Variants in PPP2R5D observed in about 807,000 individuals in gnomAD.
PPP2R5D encodes protein phosphatase 2 regulatory subunit B'delta.
PPP2R5D carries 12 observed loss-of-function variants against 79.1 expected under a neutral mutation model. The observed-to-expected ratio is 0.15, with a 90% CI of 0.10 to 0.25. The LOEUF is 0.25. Ranked by LOEUF, PPP2R5D falls within the 10% of genes least tolerant of loss-of-function variation. PPP2R5D has a pLI of 1.00. For synonymous variants in PPP2R5D, 277 were observed against 286.6 expected (o/e 0.97, Z 0.34); for missense variants, 419 against 760.2 (o/e 0.55, Z 5.28).
At position 43,006,649 on chromosome 6, in the gene PPP2R5D, C is replaced by T. The variant is rs779909900; in HGVS notation, c.292C>T (p.Arg98Trp). Reference sequence around the variant, plus strand: ...CTCCCGCTTCAACCTCAGCAAGAATCGGGAGCTGCAGAAGCTTCCTGCCCT... The same window carrying T: ...CTCCCGCTTCAACCTCAGCAAGAATTGGGAGCTGCAGAAGCTTCCTGCCCT... ...SSSRFNLSKN[R>W]ELQKLPALKD... The change falls in exon 3 of 16, where the codon CGG (arginine) becomes TGG (tryptophan). Residue 98 changes from arginine (R) to tryptophan (W), a missense_variant. Arg to Trp is a moderately radical substitution (Grantham distance 101). This residue lies in a region of PPP2R5D where 110 missense variants were observed against 147.6 expected (regional missense o/e 0.75). Transcript: ENST00000485511. The surrounding 1 kb of genome is among the most constrained non-coding windows in gnomAD (Gnocchi z 4.7). The T allele has an allele frequency of 8.7e-6, 14 of 1,614,022 alleles. No homozygotes were observed. The highest frequency in any genetic ancestry group is 1.1e-5 in the Non-Finnish European group (13 of 1,180,034).
At chr6:43,005,647 G>C (rs148942962) in intron 2 of PPP2R5D, among the ~76,000 whole-genome samples, 2 of 150,224 alleles carry the variant, frequency 1.3e-5, no homozygotes, top group Admixed American at 6.6e-5. Context: ...TTGAGACAAA[G>C]TCTCGCTCTT....
rs1561850226 is a variant in PPP2R5D at position 43,007,370 on chromosome 6, GTCCTTGGGAACAT to G, written c.634-43_634-31del. 4 of 1,604,424 alleles carry G rather than the reference GTCCTTGGGAACAT, an allele frequency of 2.5e-6. No homozygotes were observed. The highest frequency in any genetic ancestry group is 2.2e-5 in the East Asian group (1 of 44,824). On this transcript the variant is annotated intron_variant, in intron 5 of 15. Coordinates refer to ENST00000485511, the MANE Select transcript of PPP2R5D (RefSeq NM_006245.4). The surrounding 1 kb of genome is among the most constrained non-coding windows in gnomAD (Gnocchi z 4.5). ...GAGTGGGGCACTTGGAGGCCTGCAA[GTCCTTGGGAACAT>G]CCCCTCAGTGGCGTGCCTTTTCCCC...
intron 1 of PPP2R5D, among the ~76,000 whole-genome samples, chr6:42,985,605 C>CTT (rs111692462): frequency 6.8e-6 from 1 of 147,398 alleles, no homozygotes. Context: ...TGCATTTTTC[C>CTT]TTTTTTTTTT....
intron 1 of PPP2R5D, among the ~76,000 whole-genome samples, 177 bp downstream of exon 1, chr6:42,984,881 A>G (rs1233752531): frequency 6.8e-6 from 1 of 146,698 alleles, no homozygotes; most frequent in Non-Finnish European, 1.5e-5. Context: ...TGCCGCAGCT[A>G]GGACAGCTCC....
At chr6:42,989,746 TGGCTA>T (rs1771122156) in intron 2 of PPP2R5D, 58 bp downstream of exon 2, 1 of 1,497,968 alleles carries the variant, frequency 6.7e-7, no homozygotes, top group South Asian at 1.2e-5. Flanking sequence ...AACTCCATGA[TGGCTA>T]GTTGGGTAGG....
chr6:42,995,189 GGTACAA>G (rs1479179723), intron 2 of PPP2R5D, among the ~76,000 whole-genome samples: 1 of 144,718 alleles, frequency 6.9e-6, no homozygotes, highest in East Asian at 2.0e-4. Context: ...GGAGTACAGT[GGTACAA>G]TCATGGCTCA....
intron 2 of PPP2R5D, among the ~76,000 whole-genome samples, chr6:43,000,386 C>T (rs1329689082): frequency 6.6e-6 from 1 of 151,670 alleles, no homozygotes; most frequent in Non-Finnish European, 1.5e-5. Flanking sequence ...TACAGGCGTG[C>T]ACCACCACAC....
intron 2 of PPP2R5D, among the ~76,000 whole-genome samples, chr6:42,990,992 G>A (rs981792562): frequency 3.3e-5 from 5 of 152,234 alleles, no homozygotes; most frequent in East Asian, 1.9e-4. Context: ...GATTACAGGC[G>A]TGAGCCACTG....
rs563081909 is a variant in PPP2R5D, at chr6:42,986,671, G to A, written c.27+1967G>A. Among the ~76,000 whole-genome samples, 5 of 152,120 alleles carry A rather than the reference G, an allele frequency of 3.3e-5. No individual in the cohort carries two copies. In the South Asian group the frequency reaches 6.2e-4, roughly 19 times the overall value. On this transcript the variant is annotated intron_variant, in intron 1 of 15. Coordinates refer to ENST00000485511, the MANE Select transcript of PPP2R5D (RefSeq NM_006245.4). ...GCACACAGAAATCAGCCACAACAGG[G>A]GCTAAGGGAAATGGAATTCGGGGAA...
chr6:42,995,353 G>A (rs1581815568), intron 2 of PPP2R5D, among the ~76,000 whole-genome samples: 3 of 151,624 alleles, frequency 2.0e-5, no homozygotes, highest in Admixed American at 2.0e-4. Flanking sequence ...GGCTGGTCTC[G>A]AACTCTTGGA....
chr6:43,002,302 T>A (rs536570510), intron 2 of PPP2R5D, among the ~76,000 whole-genome samples: 1 of 152,100 alleles, frequency 6.6e-6, no homozygotes, highest in African/African-American at 2.4e-5. Flanking sequence ...TAGCTGAGAT[T>A]ACAGGCACGT....
At chr6:42,985,895 A>G (rs1770808704) in intron 1 of PPP2R5D, among the ~76,000 whole-genome samples, 1 of 150,272 alleles carries the variant, frequency 6.7e-6, no homozygotes, top group African/African-American at 2.5e-5. Context: ...CTCCTGCCTC[A>G]GCCTCCCAAG....
chr6:42,995,770 C>G (rs989827722), intron 2 of PPP2R5D, among the ~76,000 whole-genome samples: 2 of 150,834 alleles, frequency 1.3e-5, no homozygotes, highest in Admixed American at 1.3e-4. Flanking sequence ...GGCTGGAGTA[C>G]AGTGGTACAA....
In PPP2R5D at chr6:43,011,199, G is replaced by C; in HGVS notation, c.1722G>C (p.Glu574Asp). The C allele has an allele frequency of 6.2e-7, 1 of 1,614,124 alleles. No individual in the cohort carries two copies. Among genetic ancestry groups the C allele is most frequent in the Non-Finnish European group, 8.5e-7 (1 of 1,180,012 alleles). ...AAGTGCTGCTGCGGAGGAAGTCGGAGCTGCCCCAGGACGTGTACACCATCA... is the reference window on the plus strand; with the variant it reads ...AAGTGCTGCTGCGGAGGAAGTCGGACCTGCCCCAGGACGTGTACACCATCA... Reference protein sequence around the residue: ...KEKVLLRRKSELPQDVYTIKA... With the variant: ...KEKVLLRRKSDLPQDVYTIKA... The change falls in exon 16 of 16, where the codon GAG becomes GAC. Residue 574 changes from glutamate (E) to aspartate (D), a missense_variant. Transcript: ENST00000485511.
At position 42,989,707 on chromosome 6, in the gene PPP2R5D, G is replaced by C; in HGVS notation, c.105+19G>C. 1 of 1,606,436 alleles carries C rather than the reference G, an allele frequency of 6.2e-7. No individual in the cohort carries two copies. The highest frequency in any genetic ancestry group is 8.5e-7 in the Non-Finnish European group (1 of 1,174,274). ...TGAGGAGGTAATGAATGTAGGCGTA[G>C]CCTTAGATGTGGTGCAGGTGCCACC... is the stretch of plus-strand genomic sequence containing the variant. On this transcript the variant is annotated intron_variant, in intron 2 of 15. Coordinates refer to ENST00000485511, the MANE Select transcript of PPP2R5D (RefSeq NM_006245.4).
intron 1 of PPP2R5D, among the ~76,000 whole-genome samples, chr6:42,985,882 A>G (rs1158426417): frequency 1.3e-5 from 2 of 150,332 alleles, no homozygotes; most frequent in Admixed American, 1.3e-4. Context: ...GCTTCAAGCG[A>G]TTCTCCTGCC....
Position 42,998,669 on chromosome 6 carries a change from G to A in PPP2R5D, c.106-7794G>A, listed in dbSNP as rs530006853. Among the ~76,000 whole-genome samples, 27 of 151,612 alleles carry A rather than the reference G, an allele frequency of 1.8e-4. No individual in the cohort carries two copies. The South Asian group carries it at 5.2e-3, about 29-fold the overall frequency. Reference sequence around the variant, plus strand: ...TCCCAGCACTTTGGGAGGCTGAGGCGGGTGGATTGCTTGAGCTCCAGAGTT... The same window carrying A: ...TCCCAGCACTTTGGGAGGCTGAGGCAGGTGGATTGCTTGAGCTCCAGAGTT... On this transcript the variant is annotated intron_variant, in intron 2 of 15. Transcript: ENST00000485511.
In PPP2R5D at chr6:43,005,996, T is replaced by A. The variant is rs535378028; in HGVS notation, c.106-467T>A. On this transcript the variant is annotated intron_variant, in intron 2 of 15. Transcript: ENST00000485511. The stretch of plus-strand genomic sequence containing the variant: ...AGTGTACTGCTCAATAAATTTTAGG[T>A]ATGTATCTGCCATGCACCACCTTGC... Among the ~76,000 whole-genome samples, 4 of 152,300 alleles carry A rather than the reference T, an allele frequency of 2.6e-5. No individual in the cohort carries two copies. The East Asian group carries it at 7.7e-4, about 29-fold the overall frequency.
At chr6:43,003,160 C>T (rs543311620) in intron 2 of PPP2R5D, among the ~76,000 whole-genome samples, 30 of 152,306 alleles carry the variant, frequency 2.0e-4, no homozygotes, top group African/African-American at 6.3e-4. Context: ...CGGTGGCTCA[C>T]ACCTGTAATC....
Sources: gnomAD v4.1 joint callset for allele counts (sites outside exome capture counted in the v4.1 genomes callset) on GRCh38, gnomAD v4.1.1 for gene constraint, gnomAD v4.1.1 regional missense constraint, Gnocchi (gnomAD v3.1) non-coding constraint, MANE v1.5 for transcripts, NCBI Gene and HGNC (gene_info 2026-07-23, HGNC 2026-07-21) for gene names.